Variants in ASTN2 observed in about 807,000 individuals in gnomAD.
ASTN2 encodes the protein astrotactin 2, also known as astrotactin-2.
A neutral mutation model predicts 139.8 loss-of-function variants in ASTN2; 54 were observed. That is an observed-to-expected ratio of 0.39 (90% CI 0.31 to 0.48). The LOEUF (loss-of-function observed/expected upper bound fraction) is 0.48. Among genes scored for constraint, ASTN2 ranks in the 20% least tolerant of loss-of-function variants. ASTN2 has a pLI of 0.95. For synonymous variants in ASTN2, 756 were observed against 719.5 expected, an observed-to-expected ratio of 1.05 and a Z score of -0.81; for missense variants, 1,565 against 1,725.1, an observed-to-expected ratio of 0.91 and a Z score of 1.64.
intron 20 of ASTN2, among the ~76,000 whole-genome samples, chr9:116,463,317 C>T (rs559332509): frequency 4.4e-4 from 67 of 152,258 alleles, no homozygotes; most frequent in African/African-American, 1.5e-3. Context: ...GCTGTCCTAC[C>T]TCAAAGCTCT....
intron 13 of ASTN2, among the ~76,000 whole-genome samples, chr9:116,745,697 C>A (rs915316374): frequency 1.3e-5 from 2 of 152,166 alleles, no homozygotes; most frequent in African/African-American, 2.4e-5. Flanking sequence ...CCTCTCATAG[C>A]GACTACTACA....
chr9:116,855,198 T>A (rs1457455912), intron 11 of ASTN2, among the ~76,000 whole-genome samples: 1 of 152,154 alleles, frequency 6.6e-6, no homozygotes, highest in Middle Eastern at 3.2e-3. Context: ...AAAGGGTGCA[T>A]AGGCTTTATG....
At chr9:117,315,437 C>T (rs1828115044) in intron 1 of ASTN2, among the ~76,000 whole-genome samples, 1 of 152,188 alleles carries the variant, frequency 6.6e-6, no homozygotes, top group Non-Finnish European at 1.5e-5. Flanking sequence ...AGTTTAAAGC[C>T]AGCCTGGATC....
intron 3 of ASTN2, among the ~76,000 whole-genome samples, chr9:117,175,983 T>C (rs1830906764): frequency 6.6e-6 from 1 of 151,926 alleles, no homozygotes; most frequent in Non-Finnish European, 1.5e-5. Context: ...CTTATGTTTT[T>C]AAATATGATT....
At chr9:117,246,074 A>G (rs1833372996) in intron 2 of ASTN2, among the ~76,000 whole-genome samples, 1 of 152,140 alleles carries the variant, frequency 6.6e-6, no homozygotes, top group African/African-American at 2.4e-5. Context: ...ACAAAATAAC[A>G]TGTTTTCTAA....
At chr9:117,278,318 A>G (rs941189611) in intron 2 of ASTN2, among the ~76,000 whole-genome samples, 7 of 152,220 alleles carry the variant, frequency 4.6e-5, no homozygotes, top group African/African-American at 9.6e-5. Context: ...TCCAAAACAG[A>G]TAAGATTTCC....
chr9:116,606,137 A>G (rs1225059475), intron 19 of ASTN2, among the ~76,000 whole-genome samples: 1 of 152,094 alleles, frequency 6.6e-6, no homozygotes, highest in African/African-American at 2.4e-5. Flanking sequence ...TGTTTTTAAT[A>G]CTGATGACAG....
intron 2 of ASTN2, among the ~76,000 whole-genome samples, chr9:117,278,878 G>T (rs1834259512): frequency 6.6e-6 from 1 of 152,186 alleles, no homozygotes. Flanking sequence ...TCTGCTGGGT[G>T]CAGTTTATAG....
intron 19 of ASTN2, among the ~76,000 whole-genome samples, chr9:116,498,608 A>G (rs1427534938): frequency 6.6e-6 from 1 of 152,104 alleles, no homozygotes; most frequent in Non-Finnish European, 1.5e-5. Flanking sequence ...AAAAAAAAAA[A>G]AGGAGGATGT....
intron 16 of ASTN2, chr9:116,697,583 G>A: frequency 1.1e-6 from 1 of 905,138 alleles, no homozygotes. Context: ...ACTGGTCATA[G>A]CTATTCTCTA....
chr9:116,860,655 GTGGCCC>G (rs1340512626), intron 11 of ASTN2, among the ~76,000 whole-genome samples: 2 of 152,170 alleles, frequency 1.3e-5, no homozygotes, highest in Non-Finnish European at 2.9e-5. Context: ...GCAAGCCAAA[GTGGCCC>G]TGGCAGAAGG....
At position 117,157,950 on chromosome 9, in the gene ASTN2, T is replaced by C. The variant is rs183342708; in HGVS notation, c.1016-16472A>G. On this transcript the variant is annotated intron_variant, in intron 3 of 22. Transcript: ENST00000313400. Reference sequence around the variant, plus strand: ...GGATCTTAGGGAAAAGAATGCATCATGATAATAATGATGAAAAGAGCTGCA... The same window carrying C: ...GGATCTTAGGGAAAAGAATGCATCACGATAATAATGATGAAAAGAGCTGCA... 5.9e-5 allele frequency among the ~76,000 whole-genome samples: 9 copies of C among 152,150 alleles called. No homozygotes were observed. The East Asian group carries it at 1.7e-3, about 30-fold the overall frequency.
In ASTN2 at chr9:117,104,075, A is replaced by G. The variant is rs1829046215; in HGVS notation, c.1169-7924T>C. ...TTACTTGTGGTCACCCATCCAGCTA[A>G]GTGGAAGGATATGGATTCAAACCCT... On this transcript the variant is annotated intron_variant, in intron 4 of 22. Coordinates refer to ENST00000313400, the MANE Select transcript of ASTN2 (RefSeq NM_001365068.1). Among the ~76,000 whole-genome samples, 5 of 152,194 alleles carry G rather than the reference A, an allele frequency of 3.3e-5. No homozygotes were observed. The South Asian group carries it at 1.0e-3, about 32-fold the overall frequency.
intron 3 of ASTN2, among the ~76,000 whole-genome samples, chr9:117,195,908 C>T (rs889643676): frequency 2.6e-5 from 4 of 152,186 alleles, no homozygotes; most frequent in Admixed American, 2.6e-4. Flanking sequence ...AATTTAGGAG[C>T]TCAGAATTAC....
intron 10 of ASTN2, among the ~76,000 whole-genome samples, chr9:116,948,576 T>C (rs751022242): frequency 3.3e-5 from 5 of 151,942 alleles, no homozygotes; most frequent in Admixed American, 6.6e-5. Context: ...GTAGAAGTGG[T>C]ACTTAGAGGC....
chr9:117,181,843 C>T (rs570571628), intron 3 of ASTN2, among the ~76,000 whole-genome samples: 1 of 152,314 alleles, frequency 6.6e-6, no homozygotes, highest in South Asian at 2.1e-4. Flanking sequence ...TTACCCCTTT[C>T]TTTCTTTCCT....
At chr9:116,750,693 C>A (rs973400680) in intron 13 of ASTN2, among the ~76,000 whole-genome samples, 1 of 152,184 alleles carries the variant, frequency 6.6e-6, no homozygotes, top group Non-Finnish European at 1.5e-5. Flanking sequence ...GACCATCTTG[C>A]ATATTCCTTC....
intron 1 of ASTN2, among the ~76,000 whole-genome samples, chr9:117,300,208 A>C (rs1223712078): frequency 6.6e-6 from 1 of 152,214 alleles, no homozygotes; most frequent in Non-Finnish European, 1.5e-5. Flanking sequence ...GGAAAAGATC[A>C]ATTTGACTAC....
chr9:117,161,891 C>T (rs567085814), intron 3 of ASTN2, among the ~76,000 whole-genome samples: 22 of 151,742 alleles, frequency 1.4e-4, no homozygotes, highest in Non-Finnish European at 2.5e-4. Context: ...TTAGATTTAT[C>T]TTAGCAATTC....
Sources: allele counts gnomAD v4.1 joint callset (sites outside exome capture counted in the v4.1 genomes callset), GRCh38; gene constraint gnomAD v4.1.1; transcripts MANE v1.5; gene names NCBI Gene and HGNC (gene_info 2026-07-23, HGNC 2026-07-21).